The following KSR2 variants were observed in gnomAD, a reference collection of about 807,000 sequenced individuals.
KSR2 encodes kinase suppressor of ras 2.
KSR2 carries 25 observed loss-of-function variants against 107.8 expected under a neutral mutation model. That is an observed-to-expected ratio of 0.23 (90% CI 0.17 to 0.32). KSR2 has a LOEUF of 0.32. Ranked by LOEUF, KSR2 falls within the 10% of genes least tolerant of loss-of-function variation. The pLI is 1.00. For synonymous variants in KSR2, 480 were observed against 507.0 expected (o/e 0.95, Z 0.71); for missense variants, 887 against 1,268.9 (o/e 0.70, Z 4.57).
intron 1 of KSR2, among the ~76,000 whole-genome samples, chr12:117,891,283 G>A (rs1894333155): frequency 6.6e-6 from 1 of 151,858 alleles, no homozygotes; most frequent in African/African-American, 2.4e-5. Context: ...GGGTGTGGTG[G>A]CGCATGCCTG....
intron 1 of KSR2, among the ~76,000 whole-genome samples, chr12:117,935,466 A>G (rs920183841): frequency 5.3e-5 from 8 of 152,110 alleles, no homozygotes; most frequent in Admixed American, 5.2e-4. Context: ...ACTGGTCTCA[A>G]AAGCTCTCAT....
intron 3 of KSR2, among the ~76,000 whole-genome samples, chr12:117,852,059 AC>A (rs1892947326): frequency 6.6e-6 from 1 of 151,692 alleles, no homozygotes; most frequent in Admixed American, 6.6e-5. Context: ...ATGTATGTGT[AC>A]CTATGTGTGT....
chr12:117,866,761 G>A (rs888572510), intron 1 of KSR2, among the ~76,000 whole-genome samples: 11 of 152,110 alleles, frequency 7.2e-5, no homozygotes, highest in Non-Finnish European at 1.5e-4. Flanking sequence ...CCCGGGAGGC[G>A]GAGGTTGCAG....
At position 117,645,182 on chromosome 12, in the gene KSR2, A is replaced by G. The variant is rs1054708836; in HGVS notation, c.1171+22292T>C. 2.0e-5 allele frequency among the ~76,000 whole-genome samples: 3 copies of G among 152,348 alleles called. No homozygotes were observed. The East Asian group carries it at 5.8e-4, about 29-fold the overall frequency. Reference sequence around the variant, plus strand: ...CTATGAAGAGGAAGCTTAACTGGGAATAAAACTCACAAGGAGAAAAACAAG... The same window carrying G: ...CTATGAAGAGGAAGCTTAACTGGGAGTAAAACTCACAAGGAGAAAAACAAG... On this transcript the variant is annotated intron_variant, in intron 5 of 19. Transcript: ENST00000339824.
At chr12:117,876,739 C>T (rs1893865920) in intron 1 of KSR2, among the ~76,000 whole-genome samples, 1 of 148,674 alleles carries the variant, frequency 6.7e-6, no homozygotes, top group African/African-American at 2.5e-5. Context: ...ATATATAATA[C>T]ATAATATAAT....
intron 1 of KSR2, among the ~76,000 whole-genome samples, chr12:117,938,241 T>C (rs550977464): frequency 6.6e-6 from 1 of 152,180 alleles, no homozygotes; most frequent in Non-Finnish European, 1.5e-5. Flanking sequence ...CACATATTTG[T>C]ACATCATTAT....
intron 14 of KSR2, among the ~76,000 whole-genome samples, chr12:117,509,266 C>G (rs998322980): frequency 6.6e-6 from 1 of 152,166 alleles, no homozygotes. Context: ...GCCCCCTCCT[C>G]CTTCCATCCC....
chr12:117,930,042 TA>T (rs200443884), intron 1 of KSR2, among the ~76,000 whole-genome samples: 1 of 152,086 alleles, frequency 6.6e-6, no homozygotes. Context: ...TACCTCAATT[TA>T]AAAAAAATTT....
intron 1 of KSR2, among the ~76,000 whole-genome samples, chr12:117,957,211 T>G (rs1426792359): frequency 6.6e-6 from 1 of 152,274 alleles, no homozygotes; most frequent in East Asian, 1.9e-4. Flanking sequence ...AGTAAACCTC[T>G]GTCTGTTCCT....
rs7300395 is a variant in KSR2 at position 117,474,736 on chromosome 12, C to A, written c.2582+1728G>T. On this transcript the variant is annotated intron_variant, in intron 17 of 19. Coordinates refer to ENST00000339824, the MANE Select transcript of KSR2 (RefSeq NM_173598.6). ...CAAAGACATCTCATTCTGTCTGTGG[C>A]TGCAGTTACCTATTTTCTGACAAGT... Among the ~76,000 whole-genome samples, 765 of 152,312 alleles carry A rather than the reference C, an allele frequency of 5.0e-3. 6 individuals carry two copies. The highest frequency in any genetic ancestry group is 0.017 in the African/African-American group (714 of 41,572).
chr12:117,760,919 G>A (rs1888978456), intron 4 of KSR2, 92 bp downstream of exon 4: 1 of 1,519,272 alleles, frequency 6.6e-7, no homozygotes, highest in South Asian at 1.2e-5. Context: ...TCTGTTCCCG[G>A]TTTCCTTGAC....
At chr12:117,545,291 A>G (rs1407566414) in intron 9 of KSR2, among the ~76,000 whole-genome samples, 5 of 152,210 alleles carry the variant, frequency 3.3e-5, no homozygotes, top group East Asian at 1.9e-4. Context: ...TGGCTTTAGT[A>G]TCAGGGTAAT....
At chr12:117,845,945 C>T (rs910780730) in intron 3 of KSR2, among the ~76,000 whole-genome samples, 13 of 151,880 alleles carry the variant, frequency 8.6e-5, no homozygotes, top group African/African-American at 1.5e-4. Context: ...CCTCCTTGGC[C>T]TCTCAGAGTG....
Position 117,528,390 on chromosome 12 carries a change from A to G in KSR2, c.1803-1271T>C, listed in dbSNP as rs530181155. On this transcript the variant is annotated intron_variant, in intron 12 of 19. Transcript: ENST00000339824. ...TGGAAGAGCTGAGACAGGTGAGAAA[A>G]AAGAATCACAATGAATACCCCACCC... Among the ~76,000 whole-genome samples, 15 of 152,162 alleles carry G rather than the reference A, an allele frequency of 9.9e-5. No homozygotes were observed. The South Asian group carries it at 1.2e-3, about 13-fold the overall frequency.
chr12:117,530,897 C>T (rs772409459), intron 12 of KSR2, 44 bp downstream of exon 12: 2 of 1,551,238 alleles, frequency 1.3e-6, no homozygotes. Flanking sequence ...AGGGCCAGGG[C>T]TGGGAAGCTT....
intron 1 of KSR2, chr12:117,890,634 A>G (rs1225466072): frequency 6.6e-6 from 1 of 152,220 alleles, no homozygotes; most frequent in Non-Finnish European, 1.5e-5. Context: ...AATTTACTTA[A>G]TGGGAAGACC....
intron 1 of KSR2, among the ~76,000 whole-genome samples, chr12:117,951,604 A>AGAT (rs953986980): frequency 7.2e-5 from 11 of 152,144 alleles, no homozygotes; most frequent in African/African-American, 2.4e-4. Context: ...CAGACCCCCC[A>AGAT]GATGGATTAA....
chr12:117,897,263 T>A lies in KSR2; in HGVS notation c.181-36832A>T, dbSNP rs10850929. Among the ~76,000 whole-genome samples, 1 of 151,984 alleles carries A rather than the reference T, an allele frequency of 6.6e-6. No homozygotes were observed. The highest frequency in any genetic ancestry group is 6.6e-5 in the Admixed American group (1 of 15,244). ...GGAGGGGGCAAACATGCCAGGGCAGTGGTGCCAAGGAAATACTTGCCAACT... is the reference window on the plus strand; with the variant it reads ...GGAGGGGGCAAACATGCCAGGGCAGAGGTGCCAAGGAAATACTTGCCAACT... On this transcript the variant is annotated intron_variant, in intron 1 of 19. Coordinates refer to ENST00000339824, the MANE Select transcript of KSR2 (RefSeq NM_173598.6). This position sits in a 1 kb window ranked among gnomAD's most constrained non-coding sequence, Gnocchi z 4.5.
chr12:117,511,363 C>T (rs1043107240), intron 14 of KSR2, among the ~76,000 whole-genome samples: 13 of 152,214 alleles, frequency 8.5e-5, no homozygotes, highest in Non-Finnish European at 1.5e-4. Flanking sequence ...GGCCAGACTA[C>T]GGCAATGACC....
Sources: allele counts gnomAD v4.1 joint callset (sites outside exome capture counted in the v4.1 genomes callset), GRCh38; gene constraint gnomAD v4.1.1; non-coding constraint Gnocchi (gnomAD v3.1); transcripts MANE v1.5; gene names NCBI Gene and HGNC (gene_info 2026-07-23, HGNC 2026-07-21).